The following IGDCC4 variants were observed in gnomAD, a reference collection of about 807,000 sequenced individuals.
IGDCC4 encodes the protein likely ortholog of mouse neighbor of Punc E11.
Under a neutral mutation model 116.6 loss-of-function variants are expected in IGDCC4, and 72 were observed. That is an observed-to-expected ratio of 0.62 (90% CI 0.51 to 0.75). IGDCC4 has a LOEUF of 0.75. Among genes scored for constraint, IGDCC4 ranks in the 30% least tolerant of loss-of-function variants. The pLI is 0.00. For synonymous variants in IGDCC4, 709 were observed against 719.9 expected (o/e 0.98, Z 0.24); for missense variants, 1,501 against 1,662.4 (o/e 0.90, Z 1.69).
chr15:65,398,229 C>T (rs1486765075), intron 5 of IGDCC4, among the ~76,000 whole-genome samples: 2 of 152,096 alleles, frequency 1.3e-5, no homozygotes, highest in African/African-American at 2.4e-5. Flanking sequence ...ACATGTACAA[C>T]ATTTGCAGTC....
intron 1 of IGDCC4, among the ~76,000 whole-genome samples, chr15:65,419,089 G>C (rs1335359214): frequency 6.6e-6 from 1 of 151,928 alleles, no homozygotes; most frequent in Non-Finnish European, 1.5e-5. Flanking sequence ...GTCTCACTCT[G>C]TTGCCCAGGG....
chr15:65,387,272 TCACC>T (rs2091469079), intron 16 of IGDCC4, among the ~76,000 whole-genome samples: 1 of 152,024 alleles, frequency 6.6e-6, no homozygotes, highest in Admixed American at 6.5e-5. Flanking sequence ...AGTGATCCTC[TCACC>T]TCAGCCTTCC....
intron 17 of IGDCC4, 120 bp from the exon 18 acceptor site, chr15:65,386,179 TG>T: frequency 1.5e-6 from 1 of 673,676 alleles, no homozygotes; most frequent in Non-Finnish European, 2.5e-6. Context: ...TTTGCTTTCC[TG>T]GTCTGTGCAA....
rs1467313747 is a variant in IGDCC4 at position 65,410,266 on chromosome 15, T to C, written c.475A>G (p.Thr159Ala). The C allele has an allele frequency of 6.2e-7, 1 of 1,613,990 alleles. No individual in the cohort carries two copies. The highest frequency in any genetic ancestry group is 8.5e-7 in the Non-Finnish European group (1 of 1,180,004). The change falls in exon 3 of 20, where the codon ACA (threonine) becomes GCA (alanine). Residue 159 changes from threonine (T) to alanine (A), a missense_variant. Physicochemically the swap from Thr to Ala is moderately conservative, Grantham distance 58 (BLOSUM62 0). Coordinates refer to ENST00000352385, the MANE Select transcript of IGDCC4 (RefSeq NM_020962.3). The part of the protein sequence containing the change: ...PESQTVEENG[T>A]ARFECHIEGL... ...TCAATGTGGCACTCAAAGCGAGCTG[T>C]CCCGTTCTCCTCCACCGTCTGAGAC...
Position 65,419,337 on chromosome 15 carries a change from G to A in IGDCC4, c.70+3456C>T, listed in dbSNP as rs1341310371. 2.6e-5 allele frequency among the ~76,000 whole-genome samples: 4 copies of A among 151,870 alleles called. No homozygotes were observed. In the East Asian group the frequency reaches 7.7e-4, roughly 29 times the overall value. The stretch of plus-strand genomic sequence containing the variant: ...CTGCCTCAGCCACACAAAGTGCTGG[G>A]ATTACAGGTATGAGCCTGGCCTGAA... On this transcript the variant is annotated intron_variant, in intron 1 of 19. Transcript: ENST00000352385.
chr15:65,417,476 C>T (rs757915169), intron 1 of IGDCC4, among the ~76,000 whole-genome samples: 5 of 152,238 alleles, frequency 3.3e-5, no homozygotes, highest in Non-Finnish European at 5.9e-5. Flanking sequence ...TCTTGTTCCA[C>T]GCATTGCTGG....
chr15:65,399,358 G>A (rs2140213855), intron 5 of IGDCC4, among the ~76,000 whole-genome samples: 1 of 151,122 alleles, frequency 6.6e-6, no homozygotes, highest in South Asian at 2.1e-4. Flanking sequence ...CTACTCAGAA[G>A]GCTGAGGTAG....
chr15:65,417,655 G>A (rs2063156905), intron 1 of IGDCC4, among the ~76,000 whole-genome samples: 1 of 152,172 alleles, frequency 6.6e-6, no homozygotes, highest in Non-Finnish European at 1.5e-5. Flanking sequence ...GAGTGCAGTG[G>A]CATGATCTCG....
chr15:65,399,777 C>T (rs545207688), intron 5 of IGDCC4, among the ~76,000 whole-genome samples: 3 of 152,040 alleles, frequency 2.0e-5, no homozygotes, highest in East Asian at 3.9e-4. Flanking sequence ...TATATATATT[C>T]GTGATATACA....
At chr15:65,408,980 C>T (rs1022671801) in intron 3 of IGDCC4, among the ~76,000 whole-genome samples, 10 of 151,878 alleles carry the variant, frequency 6.6e-5, no homozygotes, top group Non-Finnish European at 4.4e-5. Flanking sequence ...CCACAGGCAC[C>T]ACACTGCCAC....
intron 3 of IGDCC4, among the ~76,000 whole-genome samples, chr15:65,408,400 G>C (rs1410344150): frequency 2.0e-5 from 3 of 152,176 alleles, no homozygotes; most frequent in South Asian, 2.1e-4. Flanking sequence ...GTGGTGACAG[G>C]CTCCACATTT....
chr15:65,388,765 C>A (rs1246189437), intron 15 of IGDCC4, 43 bp downstream of exon 15: 1 of 1,612,408 alleles, frequency 6.2e-7, no homozygotes, highest in Admixed American at 1.7e-5. Flanking sequence ...GCGGGAGAGG[C>A]TGGGAAGCTC....
intron 1 of IGDCC4, among the ~76,000 whole-genome samples, chr15:65,416,136 C>CATT (rs748994184): frequency 3.9e-5 from 3 of 77,610 alleles, no homozygotes; most frequent in African/African-American, 1.6e-4. Context: ...AATGTTTTGA[C>CATT]TTTTTTTTTT....
chr15:65,411,078 G>A lies in IGDCC4; in HGVS notation c.363C>T (p.Cys121=), dbSNP rs2063087312. The change falls in exon 2 of 20, where the codon TGC becomes TGT. Residue 121 remains cysteine, a synonymous_variant. Coordinates refer to ENST00000352385, the MANE Select transcript of IGDCC4 (RefSeq NM_020962.3). The part of the protein sequence containing the change: ...AVGVIEGNYS[C]LAHGPLGVLA... Reference sequence around the variant, plus strand: ...GCACTCCGAGGGGGCCGTGGGCTAGGCACGAATAGTTGCCTTCAATGACCC... The same window carrying A: ...GCACTCCGAGGGGGCCGTGGGCTAGACACGAATAGTTGCCTTCAATGACCC... The A allele has an allele frequency of 1.2e-6, 2 of 1,614,048 alleles. No individual in the cohort carries two copies. Among genetic ancestry groups the A allele is most frequent in the Non-Finnish European group, 1.7e-6 (2 of 1,180,036 alleles).
chr15:65,398,533 C>CAAAAAAAAAAAAAAAAA (rs3082803), intron 5 of IGDCC4, among the ~76,000 whole-genome samples: 2 of 77,636 alleles, frequency 2.6e-5, no homozygotes, highest in Non-Finnish European at 5.1e-5. Flanking sequence ...AACTCCATCT[C>CAAAAAAAAAAAAAAAAA]AAAAAAAAAA....
chr15:65,412,943 G>C (rs115594719), intron 1 of IGDCC4, among the ~76,000 whole-genome samples: 1 of 80,774 alleles, frequency 1.2e-5, no homozygotes, highest in African/African-American at 4.7e-5. Context: ...CTCTCTCTCT[G>C]TACACACACA....
At chr15:65,402,156 G>A (rs2062993419) in intron 4 of IGDCC4, among the ~76,000 whole-genome samples, 195 bp downstream of exon 4, 1 of 152,238 alleles carries the variant, frequency 6.6e-6, no homozygotes, top group African/African-American at 2.4e-5. Context: ...GGGGTCTTGT[G>A]TTCCAGCCCA....
chr15:65,398,693 C>T (rs1029236662), intron 5 of IGDCC4, among the ~76,000 whole-genome samples: 6 of 151,764 alleles, frequency 4.0e-5, no homozygotes, highest in Admixed American at 2.6e-4. Flanking sequence ...AGATGGAGAC[C>T]ATCCTGGCTG....
chr15:65,386,018 T>G lies in IGDCC4; in HGVS notation c.2993A>C (p.Asn998Thr), dbSNP rs372789559. Reference protein sequence around the residue: ...PGLSSTATPGNPALYSRARLG... With the variant: ...PGLSSTATPGTPALYSRARLG... ...CCGAGCTCTGGAGTACAGCGCGGGA[T>G]TCCCGGGGGTGGCGGTGGAGGACAG... The change falls in exon 18 of 20, where the codon AAT becomes ACT. Residue 998 changes from asparagine (N) to threonine (T), a missense_variant. Transcript: ENST00000352385. 1.3e-6 allele frequency: 2 copies of G among 1,562,636 alleles called. No homozygotes were observed. Among genetic ancestry groups the G allele is most frequent in the African/African-American group, 1.4e-5 (1 of 72,436 alleles).
Sources: allele counts gnomAD v4.1 joint callset (sites outside exome capture counted in the v4.1 genomes callset), GRCh38; gene constraint gnomAD v4.1.1; transcripts MANE v1.5; gene names NCBI Gene and HGNC (gene_info 2026-07-23, HGNC 2026-07-21).